Variants in KLF13 observed in about 807,000 individuals in gnomAD.
KLF13 encodes KLF transcription factor 13, also known as Krueppel-like factor 13.
Under a neutral mutation model 16.7 loss-of-function variants are expected in KLF13, and 8 were observed. The observed-to-expected ratio is 0.48, with a 90% confidence interval of 0.28 to 0.87. KLF13 has a LOEUF of 0.87. Among genes scored for constraint, KLF13 ranks in the 40% least tolerant of loss-of-function variants. KLF13 has a pLI of 0.10. For missense variants in KLF13, 447 were observed against 452.2 expected (o/e 0.99, Z 0.10); for synonymous variants, 245 against 208.4 (o/e 1.18, Z -1.51).
At chr15:31,396,775 C>G (rs1019873568) in intron 2 of KLF13, among the ~76,000 whole-genome samples, 3 of 152,176 alleles carry the variant, frequency 2.0e-5, no homozygotes, top group Non-Finnish European at 2.9e-5. Flanking sequence ...ACCATAATTT[C>G]TAATTTTTTG....
At chr15:31,356,994 G>A (rs578001219) in intron 1 of KLF13, among the ~76,000 whole-genome samples, 1 of 152,312 alleles carries the variant, frequency 6.6e-6, no homozygotes, top group South Asian at 2.1e-4. Context: ...TTTATTTGGA[G>A]CTGTTGGTCT....
At chr15:31,328,512 G>C (rs2038763515) in intron 1 of KLF13, among the ~76,000 whole-genome samples, 1 of 151,840 alleles carries the variant, frequency 6.6e-6, no homozygotes, top group Non-Finnish European at 1.5e-5. Flanking sequence ...CCTCGGCCTC[G>C]AGGCTCTCTC....
chr15:31,397,075 G>A (rs1372879723), intron 2 of KLF13, among the ~76,000 whole-genome samples: 1 of 151,944 alleles, frequency 6.6e-6, no homozygotes, highest in Non-Finnish European at 1.5e-5. Flanking sequence ...GAGCCCAGAG[G>A]ACACTTTCCG....
chr15:31,431,888 C>T (rs2040476794), intron 1 of KLF13, among the ~76,000 whole-genome samples: 1 of 152,182 alleles, frequency 6.6e-6, no homozygotes, highest in African/African-American at 2.4e-5. Flanking sequence ...TTTAGGGACG[C>T]TTGCTTATGT....
intron 1 of KLF13, among the ~76,000 whole-genome samples, chr15:31,415,082 T>A (rs1229760798): frequency 6.6e-6 from 1 of 152,118 alleles, no homozygotes; most frequent in Non-Finnish European, 1.5e-5. Flanking sequence ...CTTCCTCCCC[T>A]CTCTGTTGCT....
downstream of KLF13, among the ~76,000 whole-genome samples, chr15:31,407,628 C>T (rs951589231): frequency 1.3e-5 from 2 of 151,998 alleles, no homozygotes; most frequent in East Asian, 1.9e-4. Flanking sequence ...ACTCTGGTCA[C>T]GAGAAAGTAA....
chr15:31,368,431 G>A (rs1478870327), intron 1 of KLF13, among the ~76,000 whole-genome samples: 1 of 152,136 alleles, frequency 6.6e-6, no homozygotes, highest in Non-Finnish European at 1.5e-5. Flanking sequence ...TTCTGGAAAC[G>A]ATAAACAGTT....
At position 31,398,175 on chromosome 15, in the gene KLF13, C is replaced by G. The variant is rs113608313; in HGVS notation, n.529+4484C>G. Reference sequence around the variant, plus strand: ...CCACAAAGCACAGGATGCTCCTGCTCGGGCGGGGCCTTAATTGGTGGTGTT... The same window carrying G: ...CCACAAAGCACAGGATGCTCCTGCTGGGGCGGGGCCTTAATTGGTGGTGTT... On this transcript the variant is annotated intron_variant and non_coding_transcript_variant, in intron 2 of 2. Transcript: ENST00000500533. Among the ~76,000 whole-genome samples the G allele has an allele frequency of 5.9e-3, 891 of 152,278 alleles. 13 individuals carry two copies. The highest frequency in any genetic ancestry group is 0.02 in the African/African-American group (834 of 41,552).
intron 1 of KLF13, among the ~76,000 whole-genome samples, chr15:31,362,354 C>G (rs2039403398): frequency 6.6e-6 from 1 of 152,218 alleles, no homozygotes; most frequent in South Asian, 2.1e-4. Flanking sequence ...CTGGGAACAT[C>G]TCCTACAAAG....
chr15:31,343,520 C>T (rs2039063363), intron 1 of KLF13, among the ~76,000 whole-genome samples: 1 of 152,240 alleles, frequency 6.6e-6, no homozygotes, highest in African/African-American at 2.4e-5. Flanking sequence ...GTGCATCCAG[C>T]CTCCAGTGGG....
chr15:31,386,504 A>G (rs542284603), intron 1 of KLF13, among the ~76,000 whole-genome samples: 1 of 152,364 alleles, frequency 6.6e-6, no homozygotes, highest in African/African-American at 2.4e-5. Flanking sequence ...CATCTTAAAA[A>G]AAAAGAAAAG....
intron 1 of KLF13, among the ~76,000 whole-genome samples, chr15:31,424,347 G>A (rs762365306): frequency 6.6e-6 from 1 of 152,052 alleles, no homozygotes; most frequent in Non-Finnish European, 1.5e-5. Flanking sequence ...CAAATTCGAT[G>A]ACACATTAAA....
chr15:31,394,081 AAG>A (rs763979576), intron 2 of KLF13, among the ~76,000 whole-genome samples: 17 of 152,142 alleles, frequency 1.1e-4, no homozygotes, highest in Non-Finnish European at 2.4e-4. Flanking sequence ...GCACTGGCCA[AAG>A]AGAGATGCTG....
At chr15:31,347,484 T>C (rs529606812) in intron 1 of KLF13, among the ~76,000 whole-genome samples, 31 of 152,080 alleles carry the variant, frequency 2.0e-4, no homozygotes, top group Non-Finnish European at 3.7e-4. Flanking sequence ...GGGGCTGGGC[T>C]GGGGAGGGGC....
At chr15:31,405,881 A>G (rs2040122389), downstream of KLF13, among the ~76,000 whole-genome samples, 1 of 152,236 alleles carries the variant, frequency 6.6e-6, no homozygotes, top group Non-Finnish European at 1.5e-5. Flanking sequence ...CAAAAGTAAC[A>G]GTTGTCCCTG....
downstream of KLF13, among the ~76,000 whole-genome samples, chr15:31,381,617 AG>A (rs1245185329): frequency 6.6e-6 from 1 of 152,170 alleles, no homozygotes; most frequent in East Asian, 1.9e-4. Context: ...GTGGCAGCTT[AG>A]GCTGCAGGGC....
intron 1 of KLF13, among the ~76,000 whole-genome samples, chr15:31,369,396 A>C (rs890566691): frequency 2.6e-5 from 4 of 152,242 alleles, no homozygotes; most frequent in African/African-American, 9.6e-5. Context: ...GTGAAGAATA[A>C]ATAATAGAGC....
intron 1 of KLF13, among the ~76,000 whole-genome samples, chr15:31,432,638 T>G (rs894749565): frequency 1.3e-5 from 2 of 151,802 alleles, no homozygotes; most frequent in Non-Finnish European, 2.9e-5. Flanking sequence ...TTTGTAGAGA[T>G]GGGGCCTTGC....
At chr15:31,394,786 C>T (rs937231235) in intron 2 of KLF13, among the ~76,000 whole-genome samples, 1 of 152,166 alleles carries the variant, frequency 6.6e-6, no homozygotes, top group Non-Finnish European at 1.5e-5. Context: ...AAACCCTGTA[C>T]CCTTTAGCTA....
Sources: allele counts gnomAD v4.1 joint callset (sites outside exome capture counted in the v4.1 genomes callset), GRCh38; gene constraint gnomAD v4.1.1; transcripts MANE v1.5; gene names NCBI Gene and HGNC (gene_info 2026-07-23, HGNC 2026-07-21).